PPP1R7: variants seen among roughly 807,000 people sequenced by gnomAD.
PPP1R7 encodes the protein protein phosphatase 1 regulatory subunit 22.
A neutral mutation model predicts 45.2 loss-of-function variants in PPP1R7; 18 were observed. The observed-to-expected ratio is 0.40, with a 90% CI of 0.28 to 0.59. The LOEUF is 0.59. Ranked by LOEUF, PPP1R7 falls within the 20% of genes least tolerant of loss-of-function variation. The probability of loss-of-function intolerance (pLI) is 0.46; values close to 1 mark genes in which losing one functional copy is unlikely to be tolerated. For synonymous variants in PPP1R7, 181 were observed against 183.4 expected (o/e 0.99, Z 0.11); for missense variants, 314 against 455.8 (o/e 0.69, Z 2.83).
chr2:241,175,934 C>T (rs867628176), intron 9 of PPP1R7, among the ~76,000 whole-genome samples: 2 of 152,128 alleles, frequency 1.3e-5, no homozygotes, highest in Non-Finnish European at 2.9e-5. Context: ...AATGCCACCA[C>T]GCCTGGCTAA....
chr2:241,161,839 A>T (rs532044270), intron 6 of PPP1R7, among the ~76,000 whole-genome samples: 34 of 152,294 alleles, frequency 2.2e-4, no homozygotes, highest in African/African-American at 7.5e-4. Context: ...AGAACACTTG[A>T]GCCCCGTGCC....
At chr2:241,159,635 A>T (rs1214405968) in intron 5 of PPP1R7, among the ~76,000 whole-genome samples, 2 of 152,202 alleles carry the variant, frequency 1.3e-5, no homozygotes, top group Non-Finnish European at 2.9e-5. Context: ...TTCAGGGATG[A>T]TACTGAGATC....
chr2:241,151,180 CTG>C (rs2067289869), intron 1 of PPP1R7, among the ~76,000 whole-genome samples: 1 of 152,210 alleles, frequency 6.6e-6, no homozygotes, highest in African/African-American at 2.4e-5. Context: ...TTCTGCATAT[CTG>C]TAGGTACAGT....
At position 241,150,537 on chromosome 2, in the gene PPP1R7, G is replaced by A. The variant is rs1235204334; in HGVS notation, c.42G>A (p.Glu14=). The A allele has an allele frequency of 5.0e-6, 8 of 1,597,578 alleles. No homozygotes were observed. The Admixed American group carries it at 6.8e-5, about 14-fold the overall frequency. The change falls in exon 1 of 10, where the codon GAG becomes GAA. Residue 14 remains glutamate, a synonymous_variant. Transcript: ENST00000234038. Reference sequence around the variant, plus strand: ...GCGCGGGGCAGCAACAGTCGCAGGAGATGATGGAGGGTGAGCGGCCCCTGC... The same window carrying A: ...GCGCGGGGCAGCAACAGTCGCAGGAAATGATGGAGGGTGAGCGGCCCCTGC... The part of the protein sequence containing the change: ...ERGAGQQQSQ[E]MMEVDRRVES...
intron 5 of PPP1R7, 145 bp downstream of exon 5, chr2:241,159,488 A>T: frequency 9.4e-7 from 1 of 1,058,372 alleles, no homozygotes; most frequent in Non-Finnish European, 1.3e-6. Context: ...TCTGAATCCC[A>T]AGTCTCTGCC....
chr2:241,162,076 G>A (rs1395332165), intron 6 of PPP1R7, among the ~76,000 whole-genome samples: 3 of 152,196 alleles, frequency 2.0e-5, no homozygotes, highest in Non-Finnish European at 2.9e-5. Context: ...GACAGTTATT[G>A]TTAGAGATGT....
chr2:241,149,662 C>A (rs979807566), upstream of PPP1R7: 6 of 1,544,516 alleles, frequency 3.9e-6, no homozygotes, highest in African/African-American at 8.2e-5. Flanking sequence ...CGCCTCCGCC[C>A]CCGGGCCGGG....
Position 241,163,483 on chromosome 2 carries a change from C to T in PPP1R7, c.714+82C>T, listed in dbSNP as rs1313283202. 3.2e-6 allele frequency: 3 copies of T among 938,188 alleles called. No homozygotes were observed. The African/African-American group carries it at 4.9e-5, about 15-fold the overall frequency. 58.1% of individuals were successfully genotyped at this position (938,188 alleles called of 1,614,324 possible). A position where few individuals can be genotyped will look rare whatever the true frequency, so the allele number is the denominator to read the frequency against. ...GGACACAATCTTAGTTTTTATCCTT[C>T]ACTGCCTTCACAATTGGCACTTCGT... On this transcript the variant is annotated intron_variant, in intron 7 of 9. Coordinates refer to ENST00000234038, the MANE Select transcript of PPP1R7 (RefSeq NM_002712.3).
upstream of PPP1R7, chr2:241,150,049 T>C (rs1575370288): frequency 4.4e-6 from 6 of 1,367,384 alleles, no homozygotes; most frequent in Non-Finnish European, 5.7e-6. Flanking sequence ...CTCGCAGAGG[T>C]CAGGGATGCA....
chr2:241,149,611 A>G, upstream of PPP1R7: 1 of 1,527,136 alleles, frequency 6.5e-7, no homozygotes, highest in East Asian at 2.5e-5. Flanking sequence ...GACGCACCAA[A>G]CACCCCTACG....
chr2:241,182,833 G>T lies in PPP1R7; in HGVS notation c.*10G>T. ...GTTCGTCAGGTTCTGAGTCCTTCTT[G>T]GCTCCTCATGTGGTCCCTCTCCTCG... is the stretch of plus-strand genomic sequence containing the variant. On this transcript the variant is annotated 3_prime_UTR_variant, in exon 10 of 10. Transcript: ENST00000234038. 1.9e-6 allele frequency: 3 copies of T among 1,604,906 alleles called. No homozygotes were observed. The highest frequency in any genetic ancestry group is 2.6e-6 in the Non-Finnish European group (3 of 1,172,290).
intron 1 of PPP1R7, 34 bp downstream of exon 1, chr2:241,150,581 C>G: frequency 6.4e-7 from 1 of 1,573,182 alleles, no homozygotes; most frequent in East Asian, 2.5e-5. Flanking sequence ...GCCCAAGGGC[C>G]CAGCGGGCGG....
At chr2:241,151,785 G>C (rs1224376658) in intron 1 of PPP1R7, among the ~76,000 whole-genome samples, 1 of 152,066 alleles carries the variant, frequency 6.6e-6, no homozygotes, top group African/African-American at 2.4e-5. Context: ...TTTTACTTTT[G>C]AAAGTATCTC....
intron 9 of PPP1R7, among the ~76,000 whole-genome samples, chr2:241,180,556 G>A (rs1262662753): frequency 2.0e-5 from 3 of 152,004 alleles, no homozygotes; most frequent in Admixed American, 6.6e-5. Flanking sequence ...CATCATTTTC[G>A]TGACTCTCCA....
Position 241,150,695 on chromosome 2 carries a change from G to A in PPP1R7, c.52+148G>A, listed in dbSNP as rs1039428510. On this transcript the variant is annotated intron_variant, in intron 1 of 9. Transcript: ENST00000234038. ...TGACAGCTGACAGCCGGACCCGGGGGAGCGGGGGAGGCGCTGGACCTCGGG... is the reference window on the plus strand; with the variant it reads ...TGACAGCTGACAGCCGGACCCGGGGAAGCGGGGGAGGCGCTGGACCTCGGG... 7 of 1,255,398 alleles carry A rather than the reference G, an allele frequency of 5.6e-6. No homozygotes were observed. The African/African-American group carries it at 6.3e-5, about 11-fold the overall frequency. 77.8% of individuals were successfully genotyped at this position (1,255,398 alleles called of 1,614,324 possible).
chr2:241,182,542 T>C, intron 9 of PPP1R7, 105 bp from the exon 10 acceptor site: 2 of 1,412,742 alleles, frequency 1.4e-6, no homozygotes, highest in Non-Finnish European at 2.0e-6. Flanking sequence ...CCACACCTGC[T>C]CGCCATCTTC....
In PPP1R7 at chr2:241,153,741, C is replaced by T. The variant is rs1048282316; in HGVS notation, c.181+137C>T. The T allele has an allele frequency of 1.7e-5, 19 of 1,106,192 alleles. No individual in the cohort carries two copies. In the African/African-American group the frequency reaches 3.0e-4, roughly 17 times the overall value. 68.5% of individuals were successfully genotyped at this position (1,106,192 alleles called of 1,614,324 possible). A position where few individuals can be genotyped will look rare whatever the true frequency, so the allele number is the denominator to read the frequency against. On this transcript the variant is annotated intron_variant, in intron 2 of 9. Coordinates refer to ENST00000234038, the MANE Select transcript of PPP1R7 (RefSeq NM_002712.3). ...TGCTCCTTAGGGGTCCTCAGTGGCC[C>T]AGGGCAGGTGGATATGCTCTTTGAG...
At chr2:241,160,573 A>G in intron 6 of PPP1R7, 79 bp downstream of exon 6, 1 of 1,244,220 alleles carries the variant, frequency 8.0e-7, no homozygotes, top group Non-Finnish European at 1.1e-6. Flanking sequence ...GGGTGTATGT[A>G]GAATGCATGG....
intron 2 of PPP1R7, 39 bp downstream of exon 2, chr2:241,153,643 G>A (rs777283244): frequency 1.2e-6 from 2 of 1,608,222 alleles, no homozygotes; most frequent in South Asian, 2.2e-5. Context: ...CTGCTGGTTG[G>A]GGGATGTGGG....
Sources: allele counts gnomAD v4.1 joint callset (sites outside exome capture counted in the v4.1 genomes callset), GRCh38; gene constraint gnomAD v4.1.1; transcripts MANE v1.5; gene names NCBI Gene and HGNC (gene_info 2026-07-23, HGNC 2026-07-21).